The following SLC26A11 variants were observed in gnomAD, a reference collection of about 807,000 sequenced individuals.
SLC26A11 encodes sodium-independent sulfate anion transporter.
SLC26A11 carries 58 observed loss-of-function variants against 62.2 expected under a neutral mutation model. That is an observed-to-expected ratio of 0.93 (90% CI 0.76 to 1.16). The LOEUF (loss-of-function observed/expected upper bound fraction) is 1.16, where lower values mean the gene tolerates loss of function less well. Among genes scored for constraint, SLC26A11 ranks in the 50% most tolerant of loss-of-function variants. SLC26A11 has a pLI of 0.00. For synonymous variants in SLC26A11, 411 were observed against 368.9 expected (o/e 1.11, Z -1.31); for missense variants, 790 against 794.3 (o/e 0.99, Z 0.06).
chr17:80,227,561 C>T (rs939587661), intron 6 of SLC26A11, among the ~76,000 whole-genome samples: 1 of 152,256 alleles, frequency 6.6e-6, no homozygotes, highest in Admixed American at 6.5e-5. Flanking sequence ...GAAAACATCT[C>T]AGCCTAGTCT....
In SLC26A11 at chr17:80,223,298, C is replaced by G. The variant is rs140824671; in HGVS notation, c.474C>G (p.Thr158=). 1 of 1,614,186 alleles carries G rather than the reference C, an allele frequency of 6.2e-7. No homozygotes were observed. Among genetic ancestry groups the G allele is most frequent in the South Asian group, 1.1e-5 (1 of 91,082 alleles). The part of the protein sequence containing the change: ...FISYPVIKGF[T]SAAAVTIGFG... ...CCTACCCCGTCATTAAAGGCTTCAC[C>G]TCTGCTGCTGCCGTCACCATCGGCT... The change falls in exon 5 of 18, where the codon ACC becomes ACG. Residue 158 remains threonine, a synonymous_variant. Transcript: ENST00000361193. The surrounding 1 kb of genome is among the most constrained non-coding windows in gnomAD (Gnocchi z 4.6).
intron 9 of SLC26A11, among the ~76,000 whole-genome samples, chr17:80,239,624 G>A (rs534017269): frequency 1.3e-5 from 2 of 151,772 alleles, no homozygotes; most frequent in African/African-American, 4.8e-5. Flanking sequence ...TGATCTGCCT[G>A]CCTTAGCCTC....
At chr17:80,244,974 CAAAAAAAAA>C (rs34294039) in intron 10 of SLC26A11, among the ~76,000 whole-genome samples, 1 of 67,726 alleles carries the variant, frequency 1.5e-5, no homozygotes, top group South Asian at 5.3e-4. Context: ...GACTCTGTCT[CAAAAAAAAA>C]AAAAAAAAAA....
Position 80,252,566 on chromosome 17 carries a change from C to G in SLC26A11, c.1730-59C>G. 2.6e-6 allele frequency: 4 copies of G among 1,535,260 alleles called. No homozygotes were observed. Among genetic ancestry groups the G allele is most frequent in the Non-Finnish European group, 3.6e-6 (4 of 1,114,962 alleles). ...GCCCTCCTTAATCCCTTCCTGTGAA[C>G]TGACCCATCCTCACTTCTGAGCTTT... On this transcript the variant is annotated intron_variant, in intron 17 of 17. Coordinates refer to ENST00000361193, the MANE Select transcript of SLC26A11 (RefSeq NM_001166347.2). The surrounding 1 kb of genome is among the most constrained non-coding windows in gnomAD (Gnocchi z 5.2).
chr17:80,251,525 G>C, intron 17 of SLC26A11, 124 bp downstream of exon 17: 2 of 1,267,184 alleles, frequency 1.6e-6, no homozygotes, highest in South Asian at 2.8e-5. Flanking sequence ...CACTTTGGGA[G>C]GCCGAGGCAG....
intron 16 of SLC26A11, among the ~76,000 whole-genome samples, chr17:80,251,090 C>T (rs1003626114): frequency 6.6e-6 from 1 of 151,970 alleles, no homozygotes; most frequent in Admixed American, 6.6e-5. Flanking sequence ...CATGATCGTG[C>T]CACTGCACTC....
At position 80,221,422 on chromosome 17, in the gene SLC26A11, G is replaced by A. The variant is rs2042183691; in HGVS notation, c.-13-126G>A. 7.6e-6 allele frequency: 5 copies of A among 661,686 alleles called. No homozygotes were observed. The East Asian group carries it at 8.4e-5, about 11-fold the overall frequency. The allele number at this position is 661,686 out of a possible 1,614,324, so 41.0% of individuals were successfully genotyped here. A position where few individuals can be genotyped will look rare whatever the true frequency, so the allele number is the denominator to read the frequency against. On this transcript the variant is annotated intron_variant, in intron 2 of 17. Coordinates refer to ENST00000361193, the MANE Select transcript of SLC26A11 (RefSeq NM_001166347.2). ...ACATTGTTGGCTTCCTCTTAGAGCC[G>A]TTCGCCCCCCTGGGGAGGGGAGACC...
Position 80,220,911 on chromosome 17 carries a change from C to G in SLC26A11, c.-213-5C>G, listed in dbSNP as rs1005129363. 6.6e-6 allele frequency: 1 copy of G among 152,658 alleles called. No homozygotes were observed. Among genetic ancestry groups the G allele is most frequent in the African/African-American group, 2.4e-5 (1 of 41,472 alleles). The allele number at this position is 152,658 out of a possible 1,614,324, so 9.5% of individuals were successfully genotyped here. ...ATTAACCGGGCGCCTCTGATGTCCT[C>G]CCAGAAGCAACTAGAACTCCAGGGC... On this transcript the variant is annotated splice_region_variant and splice_polypyrimidine_tract_variant and intron_variant, in intron 1 of 17. Transcript: ENST00000361193.
Position 80,220,458 on chromosome 17 carries a change from C to T in SLC26A11, c.-252C>T, listed in dbSNP as rs117854297. On this transcript the variant is annotated 5_prime_UTR_variant, in exon 1 of 18. Transcript: ENST00000361193. Reference sequence around the variant, plus strand: ...CCGGCGATTCCTGCGGACCCAGCTGCGGCGACGCCAGGAGACCCCAAGCTG... The same window carrying T: ...CCGGCGATTCCTGCGGACCCAGCTGTGGCGACGCCAGGAGACCCCAAGCTG... 0.56 allele frequency: 417,607 copies of T among 751,114 alleles called. 121,586 individuals are homozygous for T. Among genetic ancestry groups the T allele is most frequent in the East Asian group, 0.67 (19,600 of 29,162 alleles). 46.5% of individuals were successfully genotyped at this position (751,114 alleles called of 1,614,324 possible).
chr17:80,245,018 A>G (rs1446763265), intron 10 of SLC26A11, among the ~76,000 whole-genome samples, 178 bp from the exon 11 acceptor site: 1 of 150,744 alleles, frequency 6.6e-6, no homozygotes, highest in Admixed American at 6.6e-5. Context: ...TACGTCTGCA[A>G]GAATGTGGCC....
At chr17:80,245,355 C>A in intron 11 of SLC26A11, 99 bp downstream of exon 11, 1 of 1,232,750 alleles carries the variant, frequency 8.1e-7, no homozygotes, top group Non-Finnish European at 1.2e-6. Context: ...GCGCCCCGTC[C>A]TCCACTGTGA....
At chr17:80,244,048 C>T (rs944854825) in intron 10 of SLC26A11, among the ~76,000 whole-genome samples, 22 of 152,214 alleles carry the variant, frequency 1.4e-4, no homozygotes, top group Non-Finnish European at 2.5e-4. Context: ...CTCTCAGGGC[C>T]GTGAGCTGGG....
At position 80,251,326 on chromosome 17, in the gene SLC26A11, C is replaced by T. The variant is rs749725961; in HGVS notation, c.1657-3C>T. 1 of 1,614,060 alleles carries T rather than the reference C, an allele frequency of 6.2e-7. No homozygotes were observed. Among genetic ancestry groups the T allele is most frequent in the Non-Finnish European group, 8.5e-7 (1 of 1,179,970 alleles). On this transcript the variant is annotated splice_polypyrimidine_tract_variant and splice_region_variant and intron_variant, in intron 16 of 17. Transcript: ENST00000361193. Reference sequence around the variant, plus strand: ...CCCTGGCTAAAGTCTGTCTGTCTCTCAGGTCCCCGTTCTCCGTGTCCTGCT... The same window carrying T: ...CCCTGGCTAAAGTCTGTCTGTCTCTTAGGTCCCCGTTCTCCGTGTCCTGCT...
chr17:80,246,754 G>T lies in SLC26A11; in HGVS notation c.1294+105G>T. 1 of 1,439,326 alleles carries T rather than the reference G, an allele frequency of 6.9e-7. No individual in the cohort carries two copies. Among genetic ancestry groups the T allele is most frequent in the South Asian group, 1.3e-5 (1 of 75,714 alleles). The allele number at this position is 1,439,326 out of a possible 1,614,324, so 89.2% of individuals were successfully genotyped here. ...CCTGCAGCCCCCTCTGTGGGGCTGG[G>T]ACTGGGAAGTTAGGGCAGTCCCGGA... On this transcript the variant is annotated intron_variant, in intron 13 of 17. Transcript: ENST00000361193. The surrounding 1 kb of genome is among the most constrained non-coding windows in gnomAD (Gnocchi z 4.4).
rs565584909 is a variant in SLC26A11, at chr17:80,252,911, G to A, written c.*195G>A. 4.0e-4 allele frequency: 220 copies of A among 545,038 alleles called. No individual in the cohort carries two copies. Among genetic ancestry groups the A allele is most frequent in the Non-Finnish European group, 6.3e-4 (193 of 305,718 alleles). The allele number at this position is 545,038 out of a possible 1,614,324, so 33.8% of individuals were successfully genotyped here. A position where few individuals can be genotyped will look rare whatever the true frequency, so the allele number is the denominator to read the frequency against. On this transcript the variant is annotated 3_prime_UTR_variant, in exon 18 of 18. Coordinates refer to ENST00000361193, the MANE Select transcript of SLC26A11 (RefSeq NM_001166347.2). The surrounding 1 kb of genome is among the most constrained non-coding windows in gnomAD (Gnocchi z 5.2). Reference sequence around the variant, plus strand: ...AGTGGGGCTCACTGGCTTCCTGTGGGATGACTGGAAAATGACCTCGCTGCT... The same window carrying A: ...AGTGGGGCTCACTGGCTTCCTGTGGAATGACTGGAAAATGACCTCGCTGCT...
At chr17:80,224,170 A>C (rs964290542) in intron 5 of SLC26A11, among the ~76,000 whole-genome samples, 1 of 147,350 alleles carries the variant, frequency 6.8e-6, no homozygotes, top group Non-Finnish European at 1.5e-5. Flanking sequence ...AGGACAGGAG[A>C]GTGTGTGTGA....
At position 80,227,955 on chromosome 17, in the gene SLC26A11, C is replaced by A; in HGVS notation, c.731C>A (p.Thr244Lys). 1 of 1,599,820 alleles carries A rather than the reference C, an allele frequency of 6.3e-7. No individual in the cohort carries two copies. The highest frequency in any genetic ancestry group is 8.5e-7 in the Non-Finnish European group (1 of 1,179,570). ...AGCCGTGGGCTGGTCTGGGCTGCCA[C>A]GACAGGTGAGGGGCCTCTGGCTGAC... ...RLSRGLVWAA[T>K]TARNALVVSF... is the part of the protein sequence containing the mutation. Residue 244 changes from threonine (T) to lysine (K), a missense_variant, in exon 7 of 18, where the codon ACG (threonine) becomes AAG (lysine). Physicochemically the swap from Thr to Lys is moderately conservative, Grantham distance 78. Transcript: ENST00000361193.
chr17:80,235,805 G>A (rs2042676130), intron 7 of SLC26A11, among the ~76,000 whole-genome samples: 1 of 152,244 alleles, frequency 6.6e-6, no homozygotes, highest in South Asian at 2.1e-4. Context: ...ACTTAGGACA[G>A]TTCGATCCAT....
At chr17:80,231,463 C>CT (rs936658283) in intron 7 of SLC26A11, among the ~76,000 whole-genome samples, 15 of 151,910 alleles carry the variant, frequency 9.9e-5, no homozygotes, top group Non-Finnish European at 1.9e-4. Flanking sequence ...TGTGCCCGGC[C>CT]TTTTTTTTCA....
Sources: gnomAD v4.1 joint callset for allele counts (sites outside exome capture counted in the v4.1 genomes callset) on GRCh38, gnomAD v4.1.1 for gene constraint, Gnocchi (gnomAD v3.1) non-coding constraint, MANE v1.5 for transcripts, NCBI Gene and HGNC (gene_info 2026-07-23, HGNC 2026-07-21) for gene names.